The following HDAC9 variants were observed in gnomAD, a reference collection of about 807,000 sequenced individuals.
The protein encoded by HDAC9 is histone deacetylase 9, also known as MEF-2 interacting transcription repressor (MITR) protein.
Under a neutral mutation model 139.4 loss-of-function variants are expected in HDAC9, and 41 were observed. That is an observed-to-expected ratio of 0.29 (90% CI 0.23 to 0.38). The LOEUF is 0.38. Among genes scored for constraint, HDAC9 ranks in the 10% least tolerant of loss-of-function variants. HDAC9 has a pLI of 1.00. For synonymous variants in HDAC9, 517 were observed against 476.2 expected (o/e 1.09, Z -1.12); for missense variants, 1,147 against 1,297.0 (o/e 0.88, Z 1.78).
chr7:18,101,879 G>A (rs1350660574), intron 1 of HDAC9, among the ~76,000 whole-genome samples: 3 of 152,112 alleles, frequency 2.0e-5, no homozygotes, highest in Non-Finnish European at 4.4e-5. Context: ...AAGCCAAGTG[G>A]CTTTGAAATA....
At chr7:18,189,539 C>A (rs1208908787) in intron 2 of HDAC9, among the ~76,000 whole-genome samples, 2 of 152,086 alleles carry the variant, frequency 1.3e-5, no homozygotes, top group Non-Finnish European at 2.9e-5. Context: ...AGTTCCCAGA[C>A]CCCACTTGAC....
At position 18,440,979 on chromosome 7, in the gene HDAC9, G is replaced by A. The variant is rs999717576; in HGVS notation, c.-41-55283G>A. The stretch of plus-strand genomic sequence containing the variant: ...TTAACTGCTTTAATTAAGTGCATTA[G>A]GGACACGAGATTTGGCTTCTAGTTC... On this transcript the variant is annotated intron_variant, in intron 1 of 3. Coordinates refer to the HDAC9 transcript ENST00000413509. Among the ~76,000 whole-genome samples, 4 of 152,162 alleles carry A rather than the reference G, an allele frequency of 2.6e-5. No homozygotes were observed. In the East Asian group the frequency reaches 7.7e-4, roughly 29 times the overall value.
intron 14 of HDAC9, among the ~76,000 whole-genome samples, chr7:18,756,167 A>C (rs1276082376): frequency 6.6e-6 from 1 of 152,164 alleles, no homozygotes; most frequent in African/African-American, 2.4e-5. Flanking sequence ...AGGTGCAGCC[A>C]ATGTTAAGAA....
chr7:18,157,568 A>T (rs1180997101), intron 1 of HDAC9, among the ~76,000 whole-genome samples: 9 of 152,194 alleles, frequency 5.9e-5, no homozygotes, highest in African/African-American at 2.2e-4. Flanking sequence ...TGAAATGGAA[A>T]GGAGGATTCA....
intron 1 of HDAC9, among the ~76,000 whole-genome samples, chr7:18,332,374 TG>T (rs879835786): frequency 1.7e-4 from 25 of 146,318 alleles, no homozygotes; most frequent in Non-Finnish European, 3.0e-4. Flanking sequence ...TGTGTGTGTG[TG>T]TGTGTGTGTG....
intron 21 of HDAC9, among the ~76,000 whole-genome samples, chr7:18,839,226 G>GA (rs1013061557): frequency 6.6e-6 from 1 of 151,954 alleles, no homozygotes; most frequent in African/African-American, 2.4e-5. Flanking sequence ...CCAGGTCCTA[G>GA]ATTAGAAACT....
At chr7:18,399,907 G>A (rs936567225) in intron 1 of HDAC9, among the ~76,000 whole-genome samples, 1 of 152,166 alleles carries the variant, frequency 6.6e-6, no homozygotes, top group Non-Finnish European at 1.5e-5. Flanking sequence ...TTTCAGGCTG[G>A]GGAACAGCGA....
intron 12 of HDAC9, among the ~76,000 whole-genome samples, chr7:18,714,507 G>C (rs1280405011): frequency 2.0e-5 from 3 of 152,104 alleles, no homozygotes; most frequent in African/African-American, 4.8e-5. Flanking sequence ...GGAGTCTTAC[G>C]AATAAGGGCT....
chr7:18,730,363 A>G (rs1785935990), intron 13 of HDAC9, among the ~76,000 whole-genome samples: 1 of 152,210 alleles, frequency 6.6e-6, no homozygotes, highest in Non-Finnish European at 1.5e-5. Context: ...TCAGATGAGA[A>G]CTGTAAGGTT....
At chr7:18,344,750 T>G (rs1340971226) in intron 1 of HDAC9, among the ~76,000 whole-genome samples, 1 of 151,990 alleles carries the variant, frequency 6.6e-6, no homozygotes, top group Non-Finnish European at 1.5e-5. Context: ...AGGGCACAGA[T>G]TTAACTTGGA....
At chr7:18,697,043 G>C (rs1235715051) in intron 12 of HDAC9, among the ~76,000 whole-genome samples, 1 of 152,152 alleles carries the variant, frequency 6.6e-6, no homozygotes, top group African/African-American at 2.4e-5. Flanking sequence ...TCCTTTGCTA[G>C]TGAAAACACA....
intron 1 of HDAC9, among the ~76,000 whole-genome samples, chr7:18,143,987 G>A (rs1490386865): frequency 6.6e-6 from 1 of 152,098 alleles, no homozygotes; most frequent in South Asian, 2.1e-4. Context: ...TCTATTGCTG[G>A]ATCTATTTAT....
chr7:18,590,538 TC>T (rs2128821004), intron 4 of HDAC9, 52 bp downstream of exon 4: 1 of 1,526,988 alleles, frequency 6.5e-7, no homozygotes, highest in South Asian at 1.2e-5. Flanking sequence ...CGTTAGCTGA[TC>T]ATTATTCAGA....
At chr7:18,228,053 A>G (rs898400392) in intron 2 of HDAC9, among the ~76,000 whole-genome samples, 1 of 152,202 alleles carries the variant, frequency 6.6e-6, no homozygotes, top group Admixed American at 6.5e-5. Flanking sequence ...TGGAAATGGC[A>G]TCATGTGAAT....
At chr7:18,729,283 A>G (rs1267346805) in intron 13 of HDAC9, among the ~76,000 whole-genome samples, 1 of 151,448 alleles carries the variant, frequency 6.6e-6, no homozygotes, top group Non-Finnish European at 1.5e-5. Flanking sequence ...AATTTCCTTA[A>G]TATTATAATA....
At chr7:18,235,461 C>G (rs557259454) in intron 2 of HDAC9, among the ~76,000 whole-genome samples, 2 of 152,160 alleles carry the variant, frequency 1.3e-5, no homozygotes, top group Non-Finnish European at 2.9e-5. Context: ...AAGAGATGTA[C>G]ACAGTTGGGT....
At position 18,196,631 on chromosome 7, in the gene HDAC9, G is replaced by A. The variant is rs149150196; in HGVS notation, c.25+34282G>A. ...CAATATATAATAAGAAAAAGAATTCGATCTATTCAGAGTAAGGTGTCATTA... is the reference window on the plus strand; with the variant it reads ...CAATATATAATAAGAAAAAGAATTCAATCTATTCAGAGTAAGGTGTCATTA... On this transcript the variant is annotated intron_variant, in intron 2 of 12. Coordinates refer to the HDAC9 transcript ENST00000417496. Among the ~76,000 whole-genome samples, 10 of 152,228 alleles carry A rather than the reference G, an allele frequency of 6.6e-5. No individual in the cohort carries two copies. The East Asian group carries it at 7.7e-4, about 12-fold the overall frequency.
chr7:18,897,014 G>C (rs1043219682), intron 22 of HDAC9, among the ~76,000 whole-genome samples: 1 of 151,972 alleles, frequency 6.6e-6, no homozygotes, highest in African/African-American at 2.4e-5. Context: ...ACATTGTAAA[G>C]GATTTAGCAA....
chr7:18,986,614 A>G (rs2129345691), intron 25 of HDAC9, among the ~76,000 whole-genome samples: 1 of 151,028 alleles, frequency 6.6e-6, no homozygotes, highest in Middle Eastern at 3.4e-3. Flanking sequence ...GAAGAAAGTC[A>G]TTGGTAGCTT....
Sources: allele counts gnomAD v4.1 joint callset (sites outside exome capture counted in the v4.1 genomes callset), GRCh38; gene constraint gnomAD v4.1.1; transcripts MANE v1.5; gene names NCBI Gene and HGNC (gene_info 2026-07-23, HGNC 2026-07-21).